EPHA3: variants seen among roughly 807,000 people sequenced by gnomAD.
EPHA3 encodes EPH receptor A3, also known as ephrin type-A receptor 3.
In EPHA3, 42 loss-of-function variants were observed where a neutral mutation model predicts 107.1. The observed-to-expected ratio is 0.39, with a 90% CI of 0.31 to 0.51. The LOEUF (loss-of-function observed/expected upper bound fraction) is 0.51. Among genes scored for constraint, EPHA3 ranks in the 20% least tolerant of loss-of-function variants. EPHA3 has a pLI of 0.78. For missense variants in EPHA3, 1,183 were observed against 1,211.2 expected, an observed-to-expected ratio of 0.98 and a Z score of 0.35; for synonymous variants, 461 against 424.8, an observed-to-expected ratio of 1.09 and a Z score of -1.05.
intron 7 of EPHA3, among the ~76,000 whole-genome samples, chr3:89,405,740 G>A (rs529514877): frequency 3.2e-4 from 48 of 152,218 alleles, no homozygotes; most frequent in African/African-American, 1.1e-3. Flanking sequence ...TTTGAGTCCT[G>A]AGGTATTCAT....
At chr3:89,223,348 A>T (rs9839955) in intron 3 of EPHA3, among the ~76,000 whole-genome samples, 147,406 of 152,264 alleles carry the variant, frequency 0.97, 71,376 homozygotes, top group African/African-American at 0.99. Context: ...CTCTTATTAG[A>T]GATGAAAAGA....
intron 3 of EPHA3, among the ~76,000 whole-genome samples, chr3:89,280,446 G>A (rs1705914197): frequency 6.6e-6 from 1 of 152,156 alleles, no homozygotes; most frequent in Non-Finnish European, 1.5e-5. Context: ...CATCTCCTCT[G>A]TCTATTATAC....
At chr3:89,445,206 C>T (rs1199933527) in intron 13 of EPHA3, among the ~76,000 whole-genome samples, 1 of 152,088 alleles carries the variant, frequency 6.6e-6, no homozygotes, top group Non-Finnish European at 1.5e-5. Flanking sequence ...GGGGAGGTTG[C>T]AGTGAGCCGA....
At chr3:89,370,174 T>A (rs1033858582) in intron 5 of EPHA3, among the ~76,000 whole-genome samples, 3 of 150,960 alleles carry the variant, frequency 2.0e-5, no homozygotes, top group African/African-American at 7.3e-5. Context: ...CCCAAAGGAC[T>A]ATAAGTCATG....
intron 3 of EPHA3, among the ~76,000 whole-genome samples, chr3:89,284,711 C>T (rs1266653515): frequency 6.6e-6 from 1 of 152,156 alleles, no homozygotes; most frequent in Admixed American, 6.6e-5. Context: ...ATTACCATAG[C>T]CTAAAAGGCC....
chr3:89,126,464 A>C (rs1225744721), intron 1 of EPHA3, among the ~76,000 whole-genome samples: 2 of 151,740 alleles, frequency 1.3e-5, no homozygotes, highest in Non-Finnish European at 3.0e-5. Flanking sequence ...TAAAAATGCA[A>C]CCATATGCAT....
At chr3:89,268,921 A>G (rs1705598734) in intron 3 of EPHA3, among the ~76,000 whole-genome samples, 1 of 151,864 alleles carries the variant, frequency 6.6e-6, no homozygotes, top group African/African-American at 2.4e-5. Context: ...AAACAACCTC[A>G]GGTCAAAGCA....
At chr3:89,211,527 A>G (rs1472293831) in intron 3 of EPHA3, among the ~76,000 whole-genome samples, 1 of 152,216 alleles carries the variant, frequency 6.6e-6, no homozygotes, top group South Asian at 2.1e-4. Context: ...TCGCATAATC[A>G]GTCACTTTTC....
intron 1 of EPHA3, among the ~76,000 whole-genome samples, chr3:89,114,729 G>A (rs939109224): frequency 6.6e-6 from 1 of 152,180 alleles, no homozygotes; most frequent in Non-Finnish European, 1.5e-5. Context: ...AAGCGAACAC[G>A]AGCGCCAGGA....
At chr3:89,228,480 A>G (rs1704552544) in intron 3 of EPHA3, among the ~76,000 whole-genome samples, 1 of 152,004 alleles carries the variant, frequency 6.6e-6, no homozygotes. Context: ...ATGGAGAAGC[A>G]TAATGACAAT....
At chr3:89,341,309 A>C (rs936785317) in intron 4 of EPHA3, among the ~76,000 whole-genome samples, 2 of 152,100 alleles carry the variant, frequency 1.3e-5, no homozygotes, top group Admixed American at 1.3e-4. Context: ...AAGAGAGAAC[A>C]TTTTCTGTGT....
chr3:89,234,758 C>CCCTT (rs1704714666), intron 3 of EPHA3, among the ~76,000 whole-genome samples: 1 of 146,868 alleles, frequency 6.8e-6, no homozygotes, highest in Admixed American at 6.8e-5. Context: ...TCCCTTCCCT[C>CCCTT]CCTTCCTTCC....
intron 5 of EPHA3, among the ~76,000 whole-genome samples, chr3:89,380,401 T>C (rs1356409153): frequency 1.3e-5 from 2 of 152,220 alleles, no homozygotes; most frequent in Non-Finnish European, 2.9e-5. Flanking sequence ...TGTTTCAAAT[T>C]TGGCTCCTCA....
intron 16 of EPHA3, 75 bp from the exon 17 acceptor site, chr3:89,479,322 A>C: frequency 8.6e-7 from 1 of 1,159,224 alleles, no homozygotes; most frequent in Non-Finnish European, 1.3e-6. Context: ...CATCGTGCAA[A>C]TTGTGCTAAT....
chr3:89,471,132 T>C (rs1710392543), intron 15 of EPHA3, among the ~76,000 whole-genome samples: 1 of 151,596 alleles, frequency 6.6e-6, no homozygotes, highest in South Asian at 2.1e-4. Context: ...CTGGCTCCAG[T>C]CTTATAAGTC....
At chr3:89,151,010 C>A (rs1312341495) in intron 2 of EPHA3, among the ~76,000 whole-genome samples, 1 of 151,900 alleles carries the variant, frequency 6.6e-6, no homozygotes, top group Non-Finnish European at 1.5e-5. Flanking sequence ...AGTTCTAACA[C>A]CTTTTCTTAT....
At chr3:89,439,708 C>T (rs1709744961) in intron 13 of EPHA3, among the ~76,000 whole-genome samples, 1 of 149,596 alleles carries the variant, frequency 6.7e-6, no homozygotes, top group Non-Finnish European at 1.5e-5. Flanking sequence ...TTAAAAAAGC[C>T]AGACTCATAT....
chr3:89,261,631 T>C (rs1466458862), intron 3 of EPHA3, among the ~76,000 whole-genome samples: 1 of 152,046 alleles, frequency 6.6e-6, no homozygotes, highest in Non-Finnish European at 1.5e-5. Context: ...TAAATGGATA[T>C]TTGACAAAAG....
intron 14 of EPHA3, among the ~76,000 whole-genome samples, chr3:89,449,662 C>A (rs1310026204): frequency 6.6e-6 from 1 of 152,048 alleles, no homozygotes; most frequent in East Asian, 1.9e-4. Flanking sequence ...GATTCTAATG[C>A]ACATTGAAGT....
Sources: allele counts gnomAD v4.1 joint callset (sites outside exome capture counted in the v4.1 genomes callset), GRCh38; gene constraint gnomAD v4.1.1; transcripts MANE v1.5; gene names NCBI Gene and HGNC (gene_info 2026-07-23, HGNC 2026-07-21).